Variants in WDR43 observed in about 807,000 individuals in gnomAD.
The protein encoded by WDR43 is WD repeat-containing protein 43.
Under a neutral mutation model 91.4 loss-of-function variants are expected in WDR43, and 13 were observed. The observed-to-expected ratio is 0.14, with a 90% confidence interval of 0.09 to 0.23. WDR43 has a LOEUF of 0.23. Among genes scored for constraint, WDR43 ranks in the 10% least tolerant of loss-of-function variants. WDR43 has a pLI of 1.00. For missense variants in WDR43, 780 were observed against 809.4 expected, an observed-to-expected ratio of 0.96 and a Z score of 0.44; for synonymous variants, 331 against 287.9, an observed-to-expected ratio of 1.15 and a Z score of -1.51.
At chr2:28,917,620 CAG>C (rs1426821806) in intron 5 of WDR43, among the ~76,000 whole-genome samples, 1 of 152,178 alleles carries the variant, frequency 6.6e-6, no homozygotes, top group African/African-American at 2.4e-5. Context: ...TCAGGATAGA[CAG>C]ACAGATCAAT....
At chr2:28,911,530 G>C (rs1271111225) in intron 3 of WDR43, among the ~76,000 whole-genome samples, 8 of 152,058 alleles carry the variant, frequency 5.3e-5, no homozygotes. Flanking sequence ...TCCTGACCTT[G>C]TGATCCGCCC....
intron 16 of WDR43, among the ~76,000 whole-genome samples, chr2:28,945,700 TC>T (rs1671532222): frequency 6.6e-6 from 1 of 152,252 alleles, no homozygotes; most frequent in Non-Finnish European, 1.5e-5. Flanking sequence ...ATCAGTTTTT[TC>T]CTCTCCATTG....
intron 5 of WDR43, among the ~76,000 whole-genome samples, chr2:28,915,410 T>C (rs930693946): frequency 6.6e-6 from 1 of 152,242 alleles, no homozygotes. Flanking sequence ...CCTGGCATTA[T>C]TGAGTTGCTT....
rs1670824719 is a variant in WDR43, at chr2:28,912,661, C to G, written c.557C>G (p.Ala186Gly). 6.2e-7 allele frequency: 1 copy of G among 1,613,786 alleles called. No homozygotes were observed. Among genetic ancestry groups the G allele is most frequent in the Non-Finnish European group, 8.5e-7 (1 of 1,179,902 alleles). Residue 186 changes from alanine (A) to glycine (G), a missense_variant, in exon 4 of 18, where the codon GCT becomes GGT. Ala to Gly is a moderately conservative substitution (Grantham distance 60, BLOSUM62 0). Around this residue, in one of 4 missense-constraint regions of WDR43, gnomAD observed 174 missense variants for 207.3 expected, o/e 0.84. Coordinates refer to ENST00000407426, the MANE Select transcript of WDR43 (RefSeq NM_015131.3). Reference protein sequence around the residue: ...ISPDGKMLLSAGRTIKLWVLE... With the variant: ...ISPDGKMLLSGGRTIKLWVLE... The stretch of plus-strand genomic sequence containing the variant: ...CCAGATGGAAAGATGTTGCTTTCAG[C>G]TGGTCGAACAATCAAACTATGGGTT...
At chr2:28,901,652 G>T (rs780996047) in intron 1 of WDR43, among the ~76,000 whole-genome samples, 2 of 152,174 alleles carry the variant, frequency 1.3e-5, no homozygotes, top group Non-Finnish European at 2.9e-5. Flanking sequence ...GCTTCGCTTA[G>T]GTTGGACCTG....
At chr2:28,917,863 G>C in intron 5 of WDR43, 30 bp from the exon 6 acceptor site, 1 of 1,544,428 alleles carries the variant, frequency 6.5e-7, no homozygotes, top group East Asian at 2.4e-5. Context: ...AATCTGTCTT[G>C]CTATCTAACT....
At chr2:28,912,074 G>A (rs1330123207) in intron 3 of WDR43, among the ~76,000 whole-genome samples, 1 of 152,186 alleles carries the variant, frequency 6.6e-6, no homozygotes, top group East Asian at 1.9e-4. Flanking sequence ...TTACCTGTCA[G>A]ATTGGGGTAC....
rs867999063 is a variant in WDR43 at position 28,894,745 on chromosome 2, G to A, written c.47G>A (p.Gly16Glu). ...AGCTGCGACCCCCTGGCCCCTGCTG[G>A]GGTCCCTTGCGCCTTCTCCCCGCAC... ...GGSCDPLAPA[G>E]VPCAFSPHSQ... is the part of the protein sequence containing the mutation. Residue 16 changes from glycine (G) to glutamate (E), a missense_variant, in exon 1 of 18, where the codon GGG (glycine) becomes GAG (glutamate). Physicochemically the swap from Gly to Glu is moderately conservative, Grantham distance 98. Coordinates refer to ENST00000407426, the MANE Select transcript of WDR43 (RefSeq NM_015131.3). 3 of 1,593,640 alleles carry A rather than the reference G, an allele frequency of 1.9e-6. No individual in the cohort carries two copies. The African/African-American group carries it at 4.0e-5, about 21-fold the overall frequency.
intron 9 of WDR43, chr2:28,927,030 G>T (rs369326925): frequency 7.7e-6 from 4 of 517,606 alleles, no homozygotes; most frequent in Non-Finnish European, 1.5e-5. Flanking sequence ...TGTAGGGGAC[G>T]TGTTTCGTGG....
chr2:28,919,152 G>C (rs1419816483), intron 6 of WDR43, among the ~76,000 whole-genome samples: 1 of 152,132 alleles, frequency 6.6e-6, no homozygotes, highest in African/African-American at 2.4e-5. Context: ...CACATACTTG[G>C]GAGGCTGTGG....
intron 1 of WDR43, among the ~76,000 whole-genome samples, chr2:28,897,234 G>A (rs1239477178): frequency 2.6e-5 from 4 of 152,072 alleles, no homozygotes; most frequent in Admixed American, 2.6e-4. Context: ...AAACAAACTT[G>A]CACATATATT....
At chr2:28,917,054 G>T (rs1304141683) in intron 5 of WDR43, among the ~76,000 whole-genome samples, 1 of 152,104 alleles carries the variant, frequency 6.6e-6, no homozygotes, top group Non-Finnish European at 1.5e-5. Context: ...TCAGAATTAT[G>T]CTTGGGGGCC....
intron 1 of WDR43, 38 bp downstream of exon 1, chr2:28,894,961 C>G (rs1285601498): frequency 6.7e-7 from 1 of 1,483,888 alleles, no homozygotes; most frequent in Non-Finnish European, 9.0e-7. Context: ...GGCGCCTTCC[C>G]GGGCTCGGCT....
rs1038281433 is a variant in WDR43 at position 28,918,185 on chromosome 2, G to T, written c.849+190G>T. Among the ~76,000 whole-genome samples, 7 of 152,168 alleles carry T rather than the reference G, an allele frequency of 4.6e-5. No homozygotes were observed. The East Asian group carries it at 1.2e-3, about 25-fold the overall frequency. ...TAATCTCTTATGGGGGAAGGGAAAA[G>T]TTTGTACAGGACGGTAGTAAATTCA... On this transcript the variant is annotated intron_variant, in intron 6 of 17. Transcript: ENST00000407426.
intron 6 of WDR43, among the ~76,000 whole-genome samples, chr2:28,919,693 T>G (rs571142399): frequency 6.6e-6 from 1 of 152,196 alleles, no homozygotes; most frequent in South Asian, 2.1e-4. Context: ...CTACACTTAA[T>G]TACAATAATG....
chr2:28,928,198 A>G (rs1424387592), intron 10 of WDR43: 1 of 152,062 alleles, frequency 6.6e-6, no homozygotes, highest in African/African-American at 2.4e-5. Context: ...GTTGTTTTTT[A>G]TCTTCCATTC....
Position 28,946,440 on chromosome 2 carries a change from C to A in WDR43, c.1805-10C>A. On this transcript the variant is annotated splice_polypyrimidine_tract_variant and intron_variant, in intron 16 of 17. Transcript: ENST00000407426. ...CTAAAATTAAGGCTGGGTTCTTTCT[C>A]CCCTTACAGAGTCTTCTGAAGAGGA... The A allele has an allele frequency of 1.9e-6, 3 of 1,606,328 alleles. No homozygotes were observed. The highest frequency in any genetic ancestry group is 2.2e-5 in the East Asian group (1 of 44,796).
intron 6 of WDR43, among the ~76,000 whole-genome samples, chr2:28,921,326 C>G (rs1242950107): frequency 3.9e-5 from 6 of 151,974 alleles, no homozygotes; most frequent in Non-Finnish European, 7.4e-5. Flanking sequence ...CAGGGTTTCA[C>G]CATGTTGGCC....
chr2:28,921,088 A>T (rs934924591), intron 6 of WDR43, among the ~76,000 whole-genome samples: 11 of 152,188 alleles, frequency 7.2e-5, no homozygotes, highest in Non-Finnish European at 1.3e-4. Context: ...ATTATATTTA[A>T]AATTATTGAT....
Sources: gnomAD v4.1 joint callset for allele counts (sites outside exome capture counted in the v4.1 genomes callset) on GRCh38, gnomAD v4.1.1 for gene constraint, gnomAD v4.1.1 regional missense constraint, MANE v1.5 for transcripts, NCBI Gene and HGNC (gene_info 2026-07-23, HGNC 2026-07-21) for gene names.